The following ARL1 variants were observed in gnomAD, a reference collection of about 807,000 sequenced individuals.
ARL1 encodes the protein ARF like GTPase 1.
ARL1 carries 17 observed loss-of-function variants against 30.1 expected under a neutral mutation model. That is an observed-to-expected ratio of 0.56 (90% confidence interval 0.39 to 0.85). ARL1 has a LOEUF of 0.85. Among genes scored for constraint, ARL1 ranks in the 40% least tolerant of loss-of-function variants. The pLI, the probability that ARL1 is intolerant of heterozygous loss-of-function variation, is 0.00. For synonymous variants in ARL1, 58 were observed against 71.7 expected, an observed-to-expected ratio of 0.81 and a Z score of 0.97; for missense variants, 102 against 212.6, an observed-to-expected ratio of 0.48 and a Z score of 3.24.
chr12:101,395,155 A>T lies in ARL1; in HGVS notation c.*485T>A, dbSNP rs1358005435. 2.6e-5 allele frequency: 4 copies of T among 152,946 alleles called. No individual in the cohort carries two copies. Among genetic ancestry groups the T allele is most frequent in the Non-Finnish European group, 5.9e-5 (4 of 68,260 alleles). The allele number at this position is 152,946 out of a possible 1,614,324, so 9.5% of individuals were successfully genotyped here. A position where few individuals can be genotyped will look rare whatever the true frequency, so the allele number is the denominator to read the frequency against. ...GCTTTTAAACAAAACAGCTTAATAA[A>T]AAGTGGTCAGGTAAGCAAATAAAGA... On this transcript the variant is annotated 3_prime_UTR_variant, in exon 6 of 6. Coordinates refer to ENST00000261636, the MANE Select transcript of ARL1 (RefSeq NM_001177.6).
chr12:101,396,022 A>G (rs2121103549), intron 5 of ARL1: 2 of 546,118 alleles, frequency 3.7e-6, no homozygotes, highest in East Asian at 6.1e-5. Flanking sequence ...GTACTATGTC[A>G]CTAATCTGTG....
intron 3 of ARL1, 104 bp downstream of exon 3, chr12:101,402,761 C>T (rs1871339980): frequency 1.5e-6 from 1 of 650,688 alleles, no homozygotes; most frequent in Non-Finnish European, 2.5e-6. Flanking sequence ...TAGGTGGCTC[C>T]ATTTAAATTA....
At chr12:101,402,967 G>A in intron 2 of ARL1, 21 bp from the exon 3 acceptor site, 1 of 1,576,732 alleles carries the variant, frequency 6.3e-7, no homozygotes, top group Non-Finnish European at 8.7e-7. Flanking sequence ...AATCAAATCA[G>A]TGGTATGTGT....
chr12:101,403,050 G>A, intron 2 of ARL1, 104 bp from the exon 3 acceptor site: 1 of 564,602 alleles, frequency 1.8e-6, no homozygotes, highest in Non-Finnish European at 3.0e-6. Context: ...TGTTATTAGA[G>A]TTTAAAATAT....
chr12:101,395,760 C>T, intron 5 of ARL1, 90 bp from the exon 6 acceptor site: 1 of 876,236 alleles, frequency 1.1e-6, no homozygotes, highest in Non-Finnish European at 1.8e-6. Flanking sequence ...GAGGTGGATT[C>T]CAAAGTACTT....
At chr12:101,401,613 G>A (rs1406189617) in intron 3 of ARL1, 2 of 114,920 alleles carry the variant, frequency 1.7e-5, no homozygotes, top group African/African-American at 3.6e-5. Flanking sequence ...TCCAGCCTGG[G>A]CAACAAGAGT....
intron 2 of ARL1, chr12:101,405,549 A>G (rs371253421): frequency 5.8e-6 from 1 of 172,870 alleles, no homozygotes. Flanking sequence ...GTTGATGGAA[A>G]AAGTGTTATC....
rs1448134752 is a variant in ARL1, at chr12:101,401,108, C to T, written c.290G>A (p.Arg97Gln). ...AVIYVVDSCD[R>Q]DRIGISKSEL... The stretch of plus-strand genomic sequence containing the variant: ...TGATTTGGAAATGCCAATTCGGTCT[C>T]GGTCACAACTGTCTACTACATAAAT... The change falls in exon 4 of 6, where the codon CGA (arginine) becomes CAA (glutamine). Residue 97 changes from arginine to glutamine, a missense_variant. Transcript: ENST00000261636. 2 of 1,613,878 alleles carry T rather than the reference C, an allele frequency of 1.2e-6. No individual in the cohort carries two copies. Among genetic ancestry groups the T allele is most frequent in the South Asian group, 1.1e-5 (1 of 91,064 alleles).
In ARL1 at chr12:101,395,422, A is replaced by G; in HGVS notation, c.*218T>C. The stretch of plus-strand genomic sequence containing the variant: ...TATACCTTAACACAAGAAAGCAAGA[A>G]AAGAATATTTTACATTACATAGAAC... On this transcript the variant is annotated 3_prime_UTR_variant, in exon 6 of 6. Transcript: ENST00000261636. 2.1e-6 allele frequency: 1 copy of G among 486,322 alleles called. No individual in the cohort carries two copies. Among genetic ancestry groups the G allele is most frequent in the Non-Finnish European group, 3.6e-6 (1 of 275,994 alleles). The allele number at this position is 486,322 out of a possible 1,614,324, so 30.1% of individuals were successfully genotyped here.
At chr12:101,396,107 G>C (rs1285567531) in intron 5 of ARL1, 1 of 590,456 alleles carries the variant, frequency 1.7e-6, no homozygotes, top group Non-Finnish European at 3.0e-6. Context: ...CTTCAGAAGA[G>C]AGTCTTAAGC....
At chr12:101,407,432 A>T in intron 1 of ARL1, 1 of 598,686 alleles carries the variant, frequency 1.7e-6, no homozygotes, top group Non-Finnish European at 2.8e-6. Context: ...CGCAGGAATC[A>T]AGGGGAACCG....
intron 4 of ARL1, among the ~76,000 whole-genome samples, chr12:101,399,558 T>C (rs1427160251): frequency 2.1e-5 from 3 of 144,772 alleles, no homozygotes. Context: ...AAGTACATAG[T>C]CCCCTCGTCT....
chr12:101,397,385 A>AT (rs1565814556), intron 4 of ARL1, among the ~76,000 whole-genome samples: 1 of 152,104 alleles, frequency 6.6e-6, no homozygotes, highest in African/African-American at 2.4e-5. Context: ...CTCTACAAAA[A>AT]TTTTTTTAAA....
Position 101,396,382 on chromosome 12 carries a change from G to C in ARL1, c.515+17C>G. The C allele has an allele frequency of 6.2e-7, 1 of 1,613,978 alleles. No individual in the cohort carries two copies. The highest frequency in any genetic ancestry group is 8.5e-7 in the Non-Finnish European group (1 of 1,179,868). On this transcript the variant is annotated intron_variant, in intron 5 of 5. Transcript: ENST00000261636. Reference sequence around the variant, plus strand: ...ACACACAAATGCACAGATGGCTTCTGGAAGCATGATACTTGCCATTCCATT... The same window carrying C: ...ACACACAAATGCACAGATGGCTTCTCGAAGCATGATACTTGCCATTCCATT...
intron 3 of ARL1, chr12:101,401,595 C>G (rs1364883034): frequency 1.6e-5 from 2 of 125,504 alleles, no homozygotes; most frequent in Non-Finnish European, 3.1e-5. Context: ...GAGATGGTGC[C>G]ATTGCACTCC....
intron 1 of ARL1, among the ~76,000 whole-genome samples, chr12:101,406,232 G>C (rs1237710358): frequency 1.3e-5 from 2 of 152,132 alleles, no homozygotes; most frequent in Admixed American, 1.3e-4. Context: ...AATAATAAGA[G>C]AAATATGGCC....
At chr12:101,405,787 T>C (rs1871424487) in intron 2 of ARL1, 57 bp downstream of exon 2, 4 of 1,474,000 alleles carry the variant, frequency 2.7e-6, no homozygotes, top group Non-Finnish European at 2.7e-6. Context: ...AAAGAAATAG[T>C]TATGTTGGAT....
chr12:101,395,933 T>C (rs1404150126), intron 5 of ARL1, among the ~76,000 whole-genome samples: 3 of 152,266 alleles, frequency 2.0e-5, no homozygotes, highest in African/African-American at 7.2e-5. Context: ...GACTCAGAGG[T>C]GAAACTAGTC....
rs1187282561 is a variant in ARL1 at position 101,394,934 on chromosome 12, A to G, written c.*706T>C. ...CAGGTGACCTTGGGCAAGCCAACCTATTAGAACCCTGGGTTCACGTCCATA... is the reference window on the plus strand; with the variant it reads ...CAGGTGACCTTGGGCAAGCCAACCTGTTAGAACCCTGGGTTCACGTCCATA... On this transcript the variant is annotated 3_prime_UTR_variant, in exon 6 of 6. Coordinates refer to ENST00000261636, the MANE Select transcript of ARL1 (RefSeq NM_001177.6). The G allele has an allele frequency of 1.3e-5, 2 of 152,188 alleles. No homozygotes were observed. The highest frequency in any genetic ancestry group is 2.4e-5 in the African/African-American group (1 of 41,454). The allele number at this position is 152,188 out of a possible 1,614,324, so 9.4% of individuals were successfully genotyped here.
Sources: allele counts gnomAD v4.1 joint callset (sites outside exome capture counted in the v4.1 genomes callset), GRCh38; gene constraint gnomAD v4.1.1; transcripts MANE v1.5; gene names NCBI Gene and HGNC (gene_info 2026-07-23, HGNC 2026-07-21).